LATS2: variants seen among roughly 807,000 people sequenced by gnomAD.
LATS2 encodes the protein large tumor suppressor kinase 2, also known as serine/threonine-protein kinase LATS2.
In LATS2, 24 loss-of-function variants were observed where a neutral mutation model predicts 76.0. The observed-to-expected ratio is 0.32, with a 90% CI of 0.23 to 0.44. The LOEUF (loss-of-function observed/expected upper bound fraction) is 0.44. Among genes scored for constraint, LATS2 ranks in the 20% least tolerant of loss-of-function variants. LATS2 has a pLI of 1.00. For missense variants in LATS2, 1,286 were observed against 1,481.2 expected (o/e 0.87, Z 2.16); for synonymous variants, 692 against 635.4 (o/e 1.09, Z -1.34).
chr13:21,041,702 CCAAA>C (rs1279454270), intron 2 of LATS2, among the ~76,000 whole-genome samples: 1 of 152,124 alleles, frequency 6.6e-6, no homozygotes, highest in Non-Finnish European at 1.5e-5. Context: ...GCACTCGCAT[CCAAA>C]CAAAGTTCTC....
rs1869679628 is a variant in LATS2, at chr13:20,977,586, TAATTAAA to T, written c.2772+2098_2772+2104del. ...AATGTCACTGAATTATACACTAAAA[TAATTAAA>T]AATGGTAAATAATTAAAATAATTAT... On this transcript the variant is annotated intron_variant, in intron 7 of 7. Coordinates refer to ENST00000382592, the MANE Select transcript of LATS2 (RefSeq NM_014572.3). Among the ~76,000 whole-genome samples the T allele has an allele frequency of 1.3e-5, 2 of 151,230 alleles. 1 individual carries two copies. Among genetic ancestry groups the T allele is most frequent in the African/African-American group, 4.9e-5 (2 of 41,080 alleles).
At chr13:20,981,772 A>G in intron 5 of LATS2, 124 bp from the exon 6 acceptor site, 10 of 784,900 alleles carry the variant, frequency 1.3e-5, no homozygotes, top group Middle Eastern at 3.0e-4. Context: ...CTCCTGACAT[A>G]TCAGGACAGA....
At chr13:21,059,691 C>T (rs1873562716) in intron 1 of LATS2, among the ~76,000 whole-genome samples, 1 of 148,438 alleles carries the variant, frequency 6.7e-6, no homozygotes, top group East Asian at 2.1e-4. Context: ...TCAGGTGGGG[C>T]GCGGTGGCTC....
intron 2 of LATS2, among the ~76,000 whole-genome samples, chr13:20,994,138 A>C (rs935509084): frequency 2.0e-5 from 3 of 152,188 alleles, no homozygotes; most frequent in Non-Finnish European, 4.4e-5. Context: ...TTGTGCATCA[A>C]ATCTAGGAAC....
intron 2 of LATS2, among the ~76,000 whole-genome samples, chr13:20,999,531 C>T (rs551532523): frequency 7.9e-5 from 12 of 152,058 alleles, no homozygotes; most frequent in African/African-American, 1.2e-4. Context: ...TACAGTGGCT[C>T]GATCAGGGCT....
chr13:20,978,409 C>A (rs923161668), intron 7 of LATS2, among the ~76,000 whole-genome samples: 7 of 152,136 alleles, frequency 4.6e-5, no homozygotes, highest in Non-Finnish European at 1.0e-4. Context: ...TTTCAGAAAG[C>A]AAATGGCTGT....
At chr13:20,999,366 A>AAG (rs774753719) in intron 2 of LATS2, among the ~76,000 whole-genome samples, 38 of 152,220 alleles carry the variant, frequency 2.5e-4, no homozygotes, top group Non-Finnish European at 2.5e-4. Flanking sequence ...ACGAATGAAG[A>AAG]AGAAATTTGG....
At chr13:20,977,883 T>C in intron 7 of LATS2, among the ~76,000 whole-genome samples, 1 of 152,106 alleles carries the variant, frequency 6.6e-6, no homozygotes, top group African/African-American at 2.4e-5. Context: ...GTTCCTAGAG[T>C]GAAACTAAGC....
At chr13:21,014,052 G>A (rs1477337980) in intron 2 of LATS2, among the ~76,000 whole-genome samples, 1 of 151,044 alleles carries the variant, frequency 6.6e-6, no homozygotes, top group African/African-American at 2.4e-5. Context: ...GAAGGAGAGA[G>A]AAACAAAGAG....
chr13:20,996,764 C>T (rs1354012966), intron 2 of LATS2, among the ~76,000 whole-genome samples: 4 of 152,146 alleles, frequency 2.6e-5, no homozygotes, highest in African/African-American at 9.7e-5. Context: ...CCTGACATGG[C>T]ATAAACTCTA....
chr13:20,988,979 G>T lies in LATS2; in HGVS notation c.801C>A (p.Tyr267Ter). 6.5e-7 allele frequency: 1 copy of T among 1,541,748 alleles called. No homozygotes were observed. ...HLLVPGEPLG[Y>*]GVQRSPSFQS... ...GGAAGGAGGGGCTGCGCTGCACTCC[G>T]TAGCCCAGGGGTTCCCCAGGCACCA... Residue 267 changes from tyrosine to a stop codon, truncating the protein, a stop_gained, in exon 4 of 8, where the codon TAC becomes TAA. Coordinates refer to ENST00000382592, the MANE Select transcript of LATS2 (RefSeq NM_014572.3). LOFTEE classifies it high-confidence loss of function.
At position 20,988,592 on chromosome 13, in the gene LATS2, G is replaced by A. The variant is rs749280010; in HGVS notation, c.1188C>T (p.Phe396=). The A allele has an allele frequency of 2.5e-6, 4 of 1,589,996 alleles. No individual in the cohort carries two copies. Among genetic ancestry groups the A allele is most frequent in the East Asian group, 2.2e-5 (1 of 44,530 alleles). ...LEAPPRAHVA[F]RPDCPVPSRT... ...TGCTGGGCACTGGGCAGTCAGGCCG[G>A]AAGGCCACGTGCGCGCGCGGCGGCG... is the stretch of plus-strand genomic sequence containing the variant. The change falls in exon 4 of 8, where the codon TTC becomes TTT. Residue 396 remains phenylalanine (F), a synonymous_variant. Transcript: ENST00000382592.
chr13:21,032,406 T>A (rs1365888441), intron 2 of LATS2, among the ~76,000 whole-genome samples: 1 of 152,142 alleles, frequency 6.6e-6, no homozygotes, highest in African/African-American at 2.4e-5. Context: ...TAGCTGGGAT[T>A]ATGGCGCCCA....
intron 2 of LATS2, among the ~76,000 whole-genome samples, chr13:21,030,460 G>A (rs1872477571): frequency 6.6e-6 from 1 of 151,620 alleles, no homozygotes; most frequent in Admixed American, 6.6e-5. Context: ...GTGGTGGCGG[G>A]CGCCTGTAGT....
chr13:21,043,522 GA>G (rs1319084384), intron 2 of LATS2, among the ~76,000 whole-genome samples: 2 of 152,268 alleles, frequency 1.3e-5, no homozygotes, highest in East Asian at 1.9e-4. Flanking sequence ...AGTTGGAGGG[GA>G]AAGGTGGAGG....
chr13:21,038,429 A>C (rs1027298364), intron 2 of LATS2: 10 of 151,966 alleles, frequency 6.6e-5, no homozygotes, highest in Non-Finnish European at 2.9e-5. Flanking sequence ...CCTTGAACTT[A>C]TAAGCTCAAG....
rs200751057 is a variant in LATS2, at chr13:20,989,192, G to A, written c.588C>T (p.Phe196=). Residue 196 remains phenylalanine, a synonymous_variant, in exon 4 of 8, where the codon TTC becomes TTT. Transcript: ENST00000382592. ...CCAGCGCCGTGGGGCCGTCAGCGCC[G>A]AAGCTTGGGCCCTCGTAGGGGGTAC... ...LSGTPYEGPS[F]GADGPTALEE... The A allele has an allele frequency of 8.9e-5, 143 of 1,613,470 alleles. No individual in the cohort carries two copies. The highest frequency in any genetic ancestry group is 1.2e-4 in the Non-Finnish European group (136 of 1,179,986).
At position 20,974,728 on chromosome 13, in the gene LATS2, T is replaced by C. The variant is rs964809818; in HGVS notation, c.*142A>G. 18 of 881,570 alleles carry C rather than the reference T, an allele frequency of 2.0e-5. No individual in the cohort carries two copies. The highest frequency in any genetic ancestry group is 3.0e-5 in the Non-Finnish European group (18 of 593,488). 54.6% of individuals were successfully genotyped at this position (881,570 alleles called of 1,614,324 possible). On this transcript the variant is annotated 3_prime_UTR_variant, in exon 8 of 8. Transcript: ENST00000382592. The stretch of plus-strand genomic sequence containing the variant: ...AAGTGTCCTGTTTGGGTTTTCTTGG[T>C]GAAGAGCAGAATTTCAAGTGAAGTA...
chr13:21,041,003 C>T (rs1595252683), intron 2 of LATS2, among the ~76,000 whole-genome samples: 1 of 151,800 alleles, frequency 6.6e-6, no homozygotes, highest in Non-Finnish European at 1.5e-5. Context: ...GGCAGAGTCT[C>T]GCTCTGTCGC....
Sources: allele counts gnomAD v4.1 joint callset (sites outside exome capture counted in the v4.1 genomes callset), GRCh38; gene constraint gnomAD v4.1.1; transcripts MANE v1.5; gene names NCBI Gene and HGNC (gene_info 2026-07-23, HGNC 2026-07-21).